Variants in ZFHX3 observed in about 807,000 individuals in gnomAD.
The protein encoded by ZFHX3 is zinc finger homeobox protein 3.
ZFHX3 carries 42 observed loss-of-function variants against 279.1 expected under a neutral mutation model. The observed-to-expected ratio is 0.15, with a 90% CI of 0.12 to 0.19. The LOEUF (loss-of-function observed/expected upper bound fraction) is 0.19. Ranked by LOEUF, ZFHX3 falls within the 10% of genes least tolerant of loss-of-function variation. The pLI, the probability that ZFHX3 is intolerant of heterozygous loss-of-function variation, is 1.00. For missense variants in ZFHX3, 4,981 were observed against 4,754.0 expected, an observed-to-expected ratio of 1.05 and a Z score of -1.40; for synonymous variants, 2,293 against 1,957.8, an observed-to-expected ratio of 1.17 and a Z score of -4.52.
intron 1 of ZFHX3, among the ~76,000 whole-genome samples, chr16:73,739,261 T>C (rs1454776656): frequency 6.6e-6 from 1 of 152,232 alleles, no homozygotes; most frequent in East Asian, 1.9e-4. Flanking sequence ...TCTGGACTGT[T>C]GACTCAGTGG....
chr16:72,982,779 G>C (rs928187530), intron 1 of ZFHX3, among the ~76,000 whole-genome samples: 1 of 152,162 alleles, frequency 6.6e-6, no homozygotes, highest in Non-Finnish European at 1.5e-5. Flanking sequence ...AGTAGCCTGG[G>C]TGCAACTCCT....
At chr16:73,383,375 CG>C (rs2016847346) in intron 3 of ZFHX3, among the ~76,000 whole-genome samples, 1 of 152,172 alleles carries the variant, frequency 6.6e-6, no homozygotes, top group African/African-American at 2.4e-5. Context: ...GGCTGTAGAG[CG>C]GCACTGGGCC....
At chr16:72,927,443 C>T (rs1265761842) in intron 3 of ZFHX3, among the ~76,000 whole-genome samples, 2 of 152,162 alleles carry the variant, frequency 1.3e-5, no homozygotes, top group Non-Finnish European at 1.5e-5. Flanking sequence ...TCCTGATTTG[C>T]CTTGGAATCT....
intron 4 of ZFHX3, among the ~76,000 whole-genome samples, chr16:72,872,111 A>T (rs1257390450): frequency 3.3e-5 from 5 of 151,814 alleles, no homozygotes; most frequent in Non-Finnish European, 5.9e-5. Context: ...AAACAAAAAA[A>T]AAATTTCAAG....
intron 2 of ZFHX3, among the ~76,000 whole-genome samples, chr16:73,542,376 T>C (rs1029294552): frequency 6.6e-6 from 1 of 152,056 alleles, no homozygotes. Flanking sequence ...ATTTTTTTTT[T>C]CCCAACGTCC....
chr16:73,250,153 C>G (rs1418991093), intron 5 of ZFHX3, among the ~76,000 whole-genome samples: 12 of 152,208 alleles, frequency 7.9e-5, no homozygotes, highest in Admixed American at 7.9e-4. Context: ...GCACTGATAG[C>G]TTCTTACCCT....
At chr16:72,857,580 A>T (rs1358631365) in intron 4 of ZFHX3, among the ~76,000 whole-genome samples, 1 of 152,120 alleles carries the variant, frequency 6.6e-6, no homozygotes, top group Non-Finnish European at 1.5e-5. Flanking sequence ...AGCTACTATG[A>T]AGGCTGAGAT....
chr16:72,921,069 C>CAAAAAAAAAAA lies in ZFHX3; in HGVS notation c.3216+29389_3216+29399dup, dbSNP rs57294537. On this transcript the variant is annotated intron_variant, in intron 3 of 9. Transcript: ENST00000268489. ...CCTGAATGGCAGAGCCAGACCTTGT[C>CAAAAAAAAAAA]AAAAAAAAAAAAAAAAAAAAAAAAA... is the stretch of plus-strand genomic sequence containing the variant. Among the ~76,000 whole-genome samples the CAAAAAAAAAAA allele has an allele frequency of 2.2e-3, 53 of 23,584 alleles. 4 individuals carry two copies. Among genetic ancestry groups the CAAAAAAAAAAA allele is most frequent in the African/African-American group, 7.4e-3 (52 of 7,040 alleles). The allele number at this position is 23,584 out of a possible 152,430, so 15.5% of individuals were successfully genotyped here. A position where few individuals can be genotyped will look rare whatever the true frequency, so the allele number is the denominator to read the frequency against.
At chr16:73,097,044 C>A (rs1966172673) in intron 7 of ZFHX3, among the ~76,000 whole-genome samples, 1 of 151,774 alleles carries the variant, frequency 6.6e-6, no homozygotes, top group African/African-American at 2.4e-5. Flanking sequence ...CTGTCTCTCT[C>A]CCCCTCCTTC....
At chr16:73,477,541 G>A (rs932134260) in intron 2 of ZFHX3, among the ~76,000 whole-genome samples, 2 of 152,220 alleles carry the variant, frequency 1.3e-5, no homozygotes, top group Non-Finnish European at 2.9e-5. Context: ...CTCAGCCTCT[G>A]TGTCCTGCAT....
In ZFHX3 at chr16:73,334,810, C is replaced by CTTTTTTTTTTTTTTTTTTTTTTT. The variant is rs368597124; in HGVS notation, c.-1290-16497_-1290-16475dup. On this transcript the variant is annotated intron_variant, in intron 3 of 17. Coordinates refer to the ZFHX3 transcript ENST00000641206. ...TCTTTTCCTCCTTTTCTTTCTCATT[C>CTTTTTTTTTTTTTTTTTTTTTTT]TTTTTTTTTTTTTTTTTTTTTTTTT... is the stretch of plus-strand genomic sequence containing the variant. Among the ~76,000 whole-genome samples, 21 of 57,916 alleles carry CTTTTTTTTTTTTTTTTTTTTTTT rather than the reference C, an allele frequency of 3.6e-4. 3 individuals carry two copies. Among genetic ancestry groups the CTTTTTTTTTTTTTTTTTTTTTTT allele is most frequent in the East Asian group, 8.2e-4 (2 of 2,430 alleles). 38.0% of individuals were successfully genotyped at this position (57,916 alleles called of 152,430 possible).
At chr16:73,749,926 T>A (rs2142268693) in intron 1 of ZFHX3, among the ~76,000 whole-genome samples, 1 of 152,310 alleles carries the variant, frequency 6.6e-6, no homozygotes, top group South Asian at 2.1e-4. Context: ...TAAGTAACTG[T>A]CTCCTTGGCC....
intron 3 of ZFHX3, among the ~76,000 whole-genome samples, chr16:73,416,393 T>C (rs576412570): frequency 6.6e-6 from 1 of 152,172 alleles, no homozygotes; most frequent in East Asian, 1.9e-4. Flanking sequence ...GCCCAAAGGT[T>C]GTGGGAGTGC....
At chr16:73,766,173 T>C (rs768880310) in intron 1 of ZFHX3, among the ~76,000 whole-genome samples, 1 of 152,166 alleles carries the variant, frequency 6.6e-6, no homozygotes, top group Non-Finnish European at 1.5e-5. Flanking sequence ...TCCCTCATAG[T>C]GACAGCGTGC....
At chr16:72,994,841 G>A (rs1452945796) in intron 1 of ZFHX3, among the ~76,000 whole-genome samples, 1 of 152,220 alleles carries the variant, frequency 6.6e-6, no homozygotes, top group African/African-American at 2.4e-5. Context: ...CAGGTTTCAA[G>A]GTAAATCATC....
At chr16:73,422,444 C>T (rs2017735549) in intron 3 of ZFHX3, among the ~76,000 whole-genome samples, 1 of 152,172 alleles carries the variant, frequency 6.6e-6, no homozygotes, top group Non-Finnish European at 1.5e-5. Context: ...CTATCCATTT[C>T]ACAGCCCAAG....
intron 1 of ZFHX3, among the ~76,000 whole-genome samples, chr16:73,722,390 C>T (rs2053482206): frequency 6.6e-6 from 1 of 152,192 alleles, no homozygotes. Flanking sequence ...GAGACGCCAG[C>T]ACTATTTTCC....
At chr16:72,985,275 G>A (rs113720269) in intron 1 of ZFHX3, among the ~76,000 whole-genome samples, 1 of 152,162 alleles carries the variant, frequency 6.6e-6, no homozygotes, top group Non-Finnish European at 1.5e-5. Flanking sequence ...AGGCGCCACC[G>A]ACATCTCTCT....
chr16:73,440,609 G>C (rs2018075592), intron 3 of ZFHX3, among the ~76,000 whole-genome samples: 1 of 152,122 alleles, frequency 6.6e-6, no homozygotes, highest in Non-Finnish European at 1.5e-5. Flanking sequence ...ATTCACAGTG[G>C]TGCCTGCCTC....
Sources: allele counts gnomAD v4.1 joint callset (sites outside exome capture counted in the v4.1 genomes callset), GRCh38; gene constraint gnomAD v4.1.1; transcripts MANE v1.5; gene names NCBI Gene and HGNC (gene_info 2026-07-23, HGNC 2026-07-21).